The following XPR1 variants were observed in gnomAD, a reference collection of about 807,000 sequenced individuals.
The protein encoded by XPR1 is solute carrier family 53 member 1.
XPR1 carries 28 observed loss-of-function variants against 87.5 expected under a neutral mutation model. The observed-to-expected ratio is 0.32, with a 90% CI of 0.24 to 0.44. The LOEUF (loss-of-function observed/expected upper bound fraction) is 0.44, where lower values mean the gene tolerates loss of function less well. Ranked by LOEUF, XPR1 falls within the 20% of genes least tolerant of loss-of-function variation. XPR1 has a pLI of 1.00. For synonymous variants in XPR1, 300 were observed against 306.1 expected (o/e 0.98, Z 0.21); for missense variants, 559 against 862.3 (o/e 0.65, Z 4.41).
chr1:180,643,629 TAG>T (rs1655024966), intron 1 of XPR1, among the ~76,000 whole-genome samples: 1 of 152,106 alleles, frequency 6.6e-6, no homozygotes, highest in South Asian at 2.1e-4. Context: ...TATAAGAAAA[TAG>T]AGTCTCATAT....
intron 2 of XPR1, among the ~76,000 whole-genome samples, chr1:180,703,372 C>T (rs926338817): frequency 3.3e-5 from 5 of 152,128 alleles, no homozygotes; most frequent in Non-Finnish European, 7.4e-5. Context: ...GTGGGCAGAG[C>T]AGACCTATCT....
intron 1 of XPR1, among the ~76,000 whole-genome samples, chr1:180,663,830 C>G (rs1655863864): frequency 6.6e-6 from 1 of 152,108 alleles, no homozygotes. Flanking sequence ...TCTTTTCTAC[C>G]TCGGCTGAGC....
chr1:180,638,638 C>G (rs952924751), intron 1 of XPR1, among the ~76,000 whole-genome samples: 16 of 151,996 alleles, frequency 1.1e-4, no homozygotes, highest in Non-Finnish European at 2.1e-4. Flanking sequence ...CTTTCAGTAC[C>G]TTAAAAATAA....
At chr1:180,828,111 A>G (rs942965985) in intron 9 of XPR1, among the ~76,000 whole-genome samples, 11 of 152,124 alleles carry the variant, frequency 7.2e-5, no homozygotes, top group East Asian at 1.9e-4. Flanking sequence ...TCCTGGGCTC[A>G]AGTCATCTGC....
rs564973015 is a variant in XPR1 at position 180,636,939 on chromosome 1, C to A, written c.69+4669C>A. Among the ~76,000 whole-genome samples the A allele has an allele frequency of 1.7e-3, 251 of 151,602 alleles. 1 individual carries two copies. The highest frequency in any genetic ancestry group is 2.7e-3 in the Non-Finnish European group (186 of 67,938). On this transcript the variant is annotated intron_variant, in intron 1 of 14. Coordinates refer to ENST00000367590, the MANE Select transcript of XPR1 (RefSeq NM_004736.4). ...TGGTGGTGCATGCCTGTAGTCCCACCTACGCGGGAGACTGAGGCAGGAGAA... is the reference window on the plus strand; with the variant it reads ...TGGTGGTGCATGCCTGTAGTCCCACATACGCGGGAGACTGAGGCAGGAGAA...
At chr1:180,813,006 A>G (rs1234791137) in intron 7 of XPR1, among the ~76,000 whole-genome samples, 1 of 147,378 alleles carries the variant, frequency 6.8e-6, no homozygotes, top group Non-Finnish European at 1.5e-5. Context: ...CCTTGCATCT[A>G]CTCTTGCCTC....
intron 1 of XPR1, among the ~76,000 whole-genome samples, chr1:180,653,970 T>C (rs1655370897): frequency 1.3e-5 from 2 of 152,194 alleles, no homozygotes; most frequent in South Asian, 4.1e-4. Flanking sequence ...CATGGGTAAC[T>C]GAAACTGAGG....
intron 2 of XPR1, among the ~76,000 whole-genome samples, chr1:180,732,550 G>A (rs1658592351): frequency 6.6e-6 from 1 of 152,148 alleles, no homozygotes; most frequent in South Asian, 2.1e-4. Flanking sequence ...AAGTTCCTGT[G>A]TCCCCCTCAC....
In XPR1 at chr1:180,863,034, A is replaced by G. The variant is rs1291652383; in HGVS notation, c.1502-674A>G. ...GCCTTATAATAAGTATTTTCAGCAT[A>G]AAGCCAAAGGTTACTTTATAGTGTT... On this transcript the variant is annotated intron_variant, in intron 11 of 14. Coordinates refer to ENST00000367590, the MANE Select transcript of XPR1 (RefSeq NM_004736.4). Among the ~76,000 whole-genome samples the G allele has an allele frequency of 2.6e-5, 4 of 152,276 alleles. No individual in the cohort carries two copies. In the East Asian group the frequency reaches 7.7e-4, roughly 29 times the overall value.
At chr1:180,788,892 C>T (rs764600518) in intron 3 of XPR1, among the ~76,000 whole-genome samples, 7 of 152,062 alleles carry the variant, frequency 4.6e-5, no homozygotes, top group Non-Finnish European at 8.8e-5. Flanking sequence ...ATTTGTTTTT[C>T]GGATGATTTT....
intron 7 of XPR1, among the ~76,000 whole-genome samples, chr1:180,812,954 C>T (rs555427698): frequency 2.0e-5 from 3 of 151,896 alleles, no homozygotes; most frequent in Non-Finnish European, 4.4e-5. Context: ...CGGCCAGCAG[C>T]CATTTCTTGT....
intron 1 of XPR1, among the ~76,000 whole-genome samples, chr1:180,660,105 G>A (rs1183467420): frequency 2.6e-5 from 4 of 152,094 alleles, no homozygotes; most frequent in African/African-American, 4.8e-5. Flanking sequence ...TTGGTTGTAT[G>A]TGTCTAGGAA....
At chr1:180,803,966 T>TTTTCTTTTTTTTCC (rs1424545873) in intron 4 of XPR1, among the ~76,000 whole-genome samples, 1 of 151,938 alleles carries the variant, frequency 6.6e-6, no homozygotes, top group Non-Finnish European at 1.5e-5. Context: ...ATGTAAGGGC[T>TTTTCTTTTTTTTCC]TTTCTTTTTT....
intron 11 of XPR1, among the ~76,000 whole-genome samples, chr1:180,855,490 C>G (rs1253948937): frequency 6.6e-6 from 1 of 151,952 alleles, no homozygotes; most frequent in Non-Finnish European, 1.5e-5. Flanking sequence ...CATGGTGAAA[C>G]CTCGTCTCTA....
intron 2 of XPR1, among the ~76,000 whole-genome samples, chr1:180,710,114 G>A (rs375878792): frequency 4.0e-5 from 6 of 151,146 alleles, no homozygotes; most frequent in Non-Finnish European, 8.8e-5. Context: ...GGCTGGTCTC[G>A]AACTCCTGAC....
intron 11 of XPR1, among the ~76,000 whole-genome samples, chr1:180,838,465 T>G (rs1651384457): frequency 6.6e-6 from 1 of 152,144 alleles, no homozygotes; most frequent in African/African-American, 2.4e-5. Flanking sequence ...AAAATCCAAA[T>G]TCCTCAAATC....
intron 10 of XPR1, 83 bp from the exon 11 acceptor site, chr1:180,836,439 G>C: frequency 6.8e-7 from 1 of 1,478,492 alleles, no homozygotes; most frequent in South Asian, 1.2e-5. Context: ...TTTAGACTTG[G>C]TATTAGCTAC....
chr1:180,808,589 C>G (rs1650087084), intron 6 of XPR1, among the ~76,000 whole-genome samples: 3 of 152,030 alleles, frequency 2.0e-5, no homozygotes, highest in African/African-American at 7.2e-5. Context: ...ATAAAGAACT[C>G]CAATACTCAA....
At chr1:180,840,566 GTATATATATA>G (rs71579073) in intron 11 of XPR1, among the ~76,000 whole-genome samples, 3,512 of 136,256 alleles carry the variant, frequency 0.026, 102 homozygotes, top group African/African-American at 0.066. Flanking sequence ...GTGTGTGTGT[GTATATATATA>G]TATATATATA....
Sources: gnomAD v4.1 joint callset for allele counts (sites outside exome capture counted in the v4.1 genomes callset) on GRCh38, gnomAD v4.1.1 for gene constraint, MANE v1.5 for transcripts, NCBI Gene and HGNC (gene_info 2026-07-23, HGNC 2026-07-21) for gene names.